The following PEBP4 variants were observed in gnomAD, a reference collection of about 807,000 sequenced individuals.
PEBP4 encodes the protein phosphatidylethanolamine-binding protein 4.
In PEBP4, 22 loss-of-function variants were observed where a neutral mutation model predicts 23.9. The observed-to-expected ratio is 0.92, with a 90% CI of 0.66 to 1.31. The LOEUF (loss-of-function observed/expected upper bound fraction) is 1.31, where lower values mean the gene tolerates loss of function less well. Among genes scored for constraint, PEBP4 ranks in the 40% most tolerant of loss-of-function variants. The pLI, the probability that PEBP4 is intolerant of heterozygous loss-of-function variation, is 0.00. For synonymous variants in PEBP4, 112 were observed against 99.3 expected, an observed-to-expected ratio of 1.13 and a Z score of -0.76; for missense variants, 324 against 281.7, an observed-to-expected ratio of 1.15 and a Z score of -1.07.
intron 4 of PEBP4, among the ~76,000 whole-genome samples, chr8:22,761,056 C>G (rs1197669822): frequency 1.3e-5 from 2 of 151,670 alleles, no homozygotes; most frequent in Non-Finnish European, 2.9e-5. Flanking sequence ...GGCATCAGAT[C>G]TCCATCTCCT....
rs375050908 is a variant in PEBP4 at position 22,751,467 on chromosome 8, C to G, written c.358-24247G>C. On this transcript the variant is annotated intron_variant, in intron 4 of 6. Coordinates refer to ENST00000256404, the MANE Select transcript of PEBP4 (RefSeq NM_144962.3). ...TATCTTGATGAACTAAGGGAGGAAT[C>G]TAGGTGAATGTATCAATGTGGATTT... 3.8e-4 allele frequency among the ~76,000 whole-genome samples: 58 copies of G among 152,266 alleles called. No individual in the cohort carries two copies. In the South Asian group the frequency reaches 0.012, roughly 32 times the overall value.
At chr8:22,831,383 A>G (rs1807081265) in intron 3 of PEBP4, among the ~76,000 whole-genome samples, 1 of 152,110 alleles carries the variant, frequency 6.6e-6, no homozygotes, top group South Asian at 2.1e-4. Context: ...TCTGCTTGCC[A>G]TTATATTCCC....
intron 1 of PEBP4, among the ~76,000 whole-genome samples, chr8:22,940,841 T>C (rs1425877737): frequency 6.6e-6 from 1 of 152,206 alleles, no homozygotes; most frequent in Admixed American, 6.5e-5. Context: ...TTCTCTCCTC[T>C]GTCTCCTCTC....
chr8:22,914,570 G>A (rs767891877), intron 3 of PEBP4, among the ~76,000 whole-genome samples: 83 of 152,298 alleles, frequency 5.4e-4, no homozygotes, highest in African/African-American at 1.8e-3. Context: ...CAGTGCGTGC[G>A]TTTCCTGTGG....
intron 4 of PEBP4, among the ~76,000 whole-genome samples, chr8:22,787,769 TG>T (rs1806055073): frequency 6.6e-6 from 1 of 152,132 alleles, no homozygotes; most frequent in South Asian, 2.1e-4. Context: ...CTAAGTTCCC[TG>T]ATGGGGAATG....
At chr8:22,816,378 C>T (rs1806740964) in intron 4 of PEBP4, among the ~76,000 whole-genome samples, 1 of 152,226 alleles carries the variant, frequency 6.6e-6, no homozygotes, top group Non-Finnish European at 1.5e-5. Context: ...GGGCCACCAG[C>T]TGGTTGCCAG....
chr8:22,798,108 G>C (rs920271583), intron 4 of PEBP4, among the ~76,000 whole-genome samples: 1 of 152,130 alleles, frequency 6.6e-6, no homozygotes, highest in Admixed American at 6.5e-5. Flanking sequence ...AAGGCATCCC[G>C]AATGAGGGGG....
At chr8:22,874,838 A>C (rs897094510) in intron 3 of PEBP4, among the ~76,000 whole-genome samples, 1 of 152,224 alleles carries the variant, frequency 6.6e-6, no homozygotes, top group Non-Finnish European at 1.5e-5. Context: ...ACCATTTCTT[A>C]GATTCCGGGA....
intron 3 of PEBP4, among the ~76,000 whole-genome samples, chr8:22,918,929 G>GCGCACATGTGCA (rs1809138141): frequency 6.6e-6 from 1 of 151,026 alleles, no homozygotes; most frequent in Admixed American, 6.6e-5. Context: ...GTGTGTGTGT[G>GCGCACATGTGCA]CACATGTGCA....
chr8:22,861,578 A>G (rs1489772057), intron 3 of PEBP4, among the ~76,000 whole-genome samples: 1 of 152,214 alleles, frequency 6.6e-6, no homozygotes, highest in Non-Finnish European at 1.5e-5. Flanking sequence ...GATTTGACAG[A>G]GATTACATTG....
At chr8:22,814,008 C>T (rs1384604916) in intron 4 of PEBP4, among the ~76,000 whole-genome samples, 1 of 152,214 alleles carries the variant, frequency 6.6e-6, no homozygotes, top group African/African-American at 2.4e-5. Context: ...GTCACCAATG[C>T]TAACCTAGCT....
At chr8:22,853,613 TCTTTCAA>T (rs1807588078) in intron 3 of PEBP4, among the ~76,000 whole-genome samples, 1 of 152,200 alleles carries the variant, frequency 6.6e-6, no homozygotes, top group Non-Finnish European at 1.5e-5. Context: ...GTCCTGACCT[TCTTTCAA>T]TTCTACAACT....
chr8:22,920,731 C>T (rs1371719353), intron 2 of PEBP4, among the ~76,000 whole-genome samples: 2 of 152,192 alleles, frequency 1.3e-5, no homozygotes, highest in African/African-American at 2.4e-5. Flanking sequence ...ATTCTTATTA[C>T]AGAAAGAAAA....
chr8:22,792,414 G>A (rs1015670095), intron 4 of PEBP4, among the ~76,000 whole-genome samples: 2 of 152,038 alleles, frequency 1.3e-5, no homozygotes, highest in African/African-American at 4.8e-5. Flanking sequence ...AGGGTTGGTG[G>A]GCCCCCTGCT....
chr8:22,834,281 G>T (rs930364735), intron 3 of PEBP4, among the ~76,000 whole-genome samples: 1 of 152,350 alleles, frequency 6.6e-6, no homozygotes, highest in African/African-American at 2.4e-5. Flanking sequence ...GGGGGAGGTT[G>T]AGTGTAACAG....
chr8:22,860,029 A>T (rs973508259), intron 3 of PEBP4, among the ~76,000 whole-genome samples: 1 of 147,916 alleles, frequency 6.8e-6, no homozygotes, highest in African/African-American at 2.5e-5. Context: ...AGGTGAGAGG[A>T]CCTCTTGAGC....
intron 1 of PEBP4, among the ~76,000 whole-genome samples, chr8:22,933,346 A>G (rs990716548): frequency 2.0e-5 from 3 of 152,230 alleles, no homozygotes; most frequent in African/African-American, 7.2e-5. Context: ...AAATAAACTC[A>G]AAGAGACCTA....
chr8:22,867,560 C>T (rs918034679), intron 3 of PEBP4, among the ~76,000 whole-genome samples: 2 of 152,168 alleles, frequency 1.3e-5, no homozygotes, highest in African/African-American at 4.8e-5. Context: ...TCCCCCTTTC[C>T]ATGCTGGGGA....
intron 3 of PEBP4, among the ~76,000 whole-genome samples, chr8:22,903,180 T>C (rs757027984): frequency 5.3e-5 from 8 of 152,244 alleles, no homozygotes; most frequent in Middle Eastern, 6.8e-3. Flanking sequence ...TACCTGTTAT[T>C]TGAGAGCCAG....
Sources: gnomAD v4.1 joint callset for allele counts (sites outside exome capture counted in the v4.1 genomes callset) on GRCh38, gnomAD v4.1.1 for gene constraint, MANE v1.5 for transcripts, NCBI Gene and HGNC (gene_info 2026-07-23, HGNC 2026-07-21) for gene names.